Variants in CSMD1 observed in about 807,000 individuals in gnomAD.
CSMD1 encodes the protein CUB and Sushi multiple domains 1, also known as CUB and sushi domain-containing protein 1.
CSMD1 carries 213 observed loss-of-function variants against 417.5 expected under a neutral mutation model. That is an observed-to-expected ratio of 0.51 (90% CI 0.46 to 0.57). CSMD1 has a LOEUF of 0.57. Among genes scored for constraint, CSMD1 ranks in the 20% least tolerant of loss-of-function variants. The pLI, the probability that CSMD1 is intolerant of heterozygous loss-of-function variation, is 0.00. For missense variants in CSMD1, 6,923 were observed against 4,529.7 expected (o/e 1.53, Z -15.17); for synonymous variants, 2,862 against 1,736.8 (o/e 1.65, Z -16.11).
At chr8:4,655,560 T>C (rs1229570403) in intron 1 of CSMD1, among the ~76,000 whole-genome samples, 9 of 152,210 alleles carry the variant, frequency 5.9e-5, no homozygotes, top group Middle Eastern at 3.4e-3. Flanking sequence ...TAAGAGGAAA[T>C]AAACAGTTGA....
intron 49 of CSMD1, among the ~76,000 whole-genome samples, chr8:3,057,348 G>C (rs1458342174): frequency 6.6e-6 from 1 of 151,988 alleles, no homozygotes; most frequent in Non-Finnish European, 1.5e-5. Context: ...TATATATTTA[G>C]TAAGATTATA....
intron 10 of CSMD1, among the ~76,000 whole-genome samples, chr8:3,529,500 C>G (rs1483705381): frequency 6.6e-6 from 1 of 152,098 alleles, no homozygotes; most frequent in Non-Finnish European, 1.5e-5. Flanking sequence ...GTGACTCTGG[C>G]TCTAATCATA....
intron 26 of CSMD1, among the ~76,000 whole-genome samples, chr8:3,271,715 G>T (rs1235770864): frequency 6.6e-6 from 1 of 152,082 alleles, no homozygotes. Flanking sequence ...TTTTTTGGCT[G>T]CATAAATGTC....
At chr8:2,959,072 C>T (rs1462165977) in intron 62 of CSMD1, among the ~76,000 whole-genome samples, 1 of 152,168 alleles carries the variant, frequency 6.6e-6, no homozygotes, top group East Asian at 1.9e-4. Flanking sequence ...AAAGCGTTGA[C>T]TCATTTACTC....
At chr8:3,375,861 C>A (rs910152185) in intron 18 of CSMD1, among the ~76,000 whole-genome samples, 61 of 152,260 alleles carry the variant, frequency 4.0e-4, no homozygotes, top group African/African-American at 1.4e-3. Flanking sequence ...TCCTCCAGAC[C>A]TCTTTTTTTC....
intron 3 of CSMD1, among the ~76,000 whole-genome samples, chr8:4,056,848 C>T (rs544810330): frequency 6.6e-6 from 1 of 152,254 alleles, no homozygotes; most frequent in Admixed American, 6.5e-5. Flanking sequence ...ATCCATGTCC[C>T]TACAAAGGAC....
intron 3 of CSMD1, among the ~76,000 whole-genome samples, chr8:4,342,977 G>T (rs950619655): frequency 6.6e-6 from 1 of 152,128 alleles, no homozygotes; most frequent in African/African-American, 2.4e-5. Flanking sequence ...GTCAGGTAGA[G>T]AATTCCAAGC....
intron 1 of CSMD1, among the ~76,000 whole-genome samples, chr8:4,665,997 G>T (rs768365980): frequency 6.6e-6 from 1 of 152,146 alleles, no homozygotes; most frequent in Non-Finnish European, 1.5e-5. Context: ...CATGAACTCT[G>T]CATCGGCAGC....
intron 3 of CSMD1, among the ~76,000 whole-genome samples, chr8:4,365,959 C>T (rs570758838): frequency 6.6e-6 from 1 of 151,482 alleles, no homozygotes; most frequent in South Asian, 2.1e-4. Flanking sequence ...TCAGGGTATC[C>T]ACGTACAGGT....
At chr8:4,030,526 C>T (rs903842138) in intron 4 of CSMD1, among the ~76,000 whole-genome samples, 2 of 152,276 alleles carry the variant, frequency 1.3e-5, no homozygotes, top group South Asian at 4.1e-4. Context: ...AGTCTCTAGG[C>T]TGTACACAGC....
At chr8:3,319,488 A>G (rs1400597363) in intron 23 of CSMD1, among the ~76,000 whole-genome samples, 1 of 152,258 alleles carries the variant, frequency 6.6e-6, no homozygotes, top group Non-Finnish European at 1.5e-5. Context: ...GGTGGCAAGT[A>G]AAAGATAGTT....
intron 2 of CSMD1, among the ~76,000 whole-genome samples, chr8:4,467,208 T>G (rs1057437996): frequency 2.6e-5 from 4 of 152,084 alleles, no homozygotes; most frequent in Admixed American, 2.0e-4. Context: ...CTTAACAGTT[T>G]CCTTGTGTCT....
intron 49 of CSMD1, among the ~76,000 whole-genome samples, chr8:3,070,961 G>A (rs969016091): frequency 2.0e-5 from 3 of 152,228 alleles, no homozygotes; most frequent in African/African-American, 7.2e-5. Flanking sequence ...CATGGTGCTG[G>A]CATCTGTTCA....
intron 10 of CSMD1, among the ~76,000 whole-genome samples, chr8:3,506,156 A>G (rs577312948): frequency 2.6e-5 from 4 of 152,092 alleles, no homozygotes; most frequent in Non-Finnish European, 4.4e-5. Context: ...AGTGCCAGGG[A>G]GGCAGCTGAA....
intron 36 of CSMD1, among the ~76,000 whole-genome samples, chr8:3,186,259 A>C (rs1472336384): frequency 2.0e-5 from 3 of 152,216 alleles, no homozygotes; most frequent in Non-Finnish European, 4.4e-5. Flanking sequence ...GTACTTTAAG[A>C]AATCACATGC....
rs926044543 is a variant in CSMD1, at chr8:4,393,532, C to T, written c.415+26421G>A. Among the ~76,000 whole-genome samples the T allele has an allele frequency of 5.9e-5, 9 of 152,306 alleles. 1 individual carries two copies. In the South Asian group the frequency reaches 1.7e-3, roughly 28 times the overall value. On this transcript the variant is annotated intron_variant, in intron 3 of 69. Transcript: ENST00000635120. ...ATCTCATACATCCTAGGCCCAGTTTCACTTGGCAACAGCTAGATAAGCATG... is the reference window on the plus strand; with the variant it reads ...ATCTCATACATCCTAGGCCCAGTTTTACTTGGCAACAGCTAGATAAGCATG...
intron 3 of CSMD1, among the ~76,000 whole-genome samples, chr8:4,154,061 T>C (rs1381070525): frequency 1.3e-5 from 2 of 152,144 alleles, no homozygotes; most frequent in Admixed American, 6.6e-5. Context: ...CCTAAGGAGG[T>C]AATAAATAAA....
intron 51 of CSMD1, among the ~76,000 whole-genome samples, chr8:3,023,479 G>A (rs748854605): frequency 4.1e-4 from 63 of 152,102 alleles, no homozygotes; most frequent in Non-Finnish European, 6.6e-4. Context: ...GTGTGTAGCC[G>A]CCTCTACATA....
intron 1 of CSMD1, among the ~76,000 whole-genome samples, chr8:4,706,278 C>T (rs1015835352): frequency 2.0e-5 from 3 of 151,726 alleles, no homozygotes; most frequent in African/African-American, 4.8e-5. Context: ...CTTTTAATTC[C>T]CTGTCCATTA....
Sources: gnomAD v4.1 joint callset for allele counts (sites outside exome capture counted in the v4.1 genomes callset) on GRCh38, gnomAD v4.1.1 for gene constraint, MANE v1.5 for transcripts, NCBI Gene and HGNC (gene_info 2026-07-23, HGNC 2026-07-21) for gene names.